The following PDE4D variants were observed in gnomAD, a reference collection of about 807,000 sequenced individuals.
PDE4D encodes the protein phosphodiesterase 4D.
PDE4D carries 24 observed loss-of-function variants against 87.4 expected under a neutral mutation model. The observed-to-expected ratio is 0.27, with a 90% CI of 0.20 to 0.39. The LOEUF (loss-of-function observed/expected upper bound fraction) is 0.39. PDE4D is among the 10% of genes least tolerant of loss of function. PDE4D has a pLI of 1.00. For synonymous variants in PDE4D, 384 were observed against 383.2 expected (o/e 1.00, Z -0.02); for missense variants, 714 against 1,041.0 (o/e 0.69, Z 4.32).
intron 1 of PDE4D, among the ~76,000 whole-genome samples, chr5:59,359,610 A>G (rs1323176744): frequency 6.6e-6 from 1 of 152,214 alleles, no homozygotes; most frequent in Non-Finnish European, 1.5e-5. Flanking sequence ...GGAAAAAATA[A>G]GAAATTAAAT....
intron 1 of PDE4D, among the ~76,000 whole-genome samples, chr5:59,373,252 G>C (rs1459684164): frequency 1.3e-5 from 2 of 152,128 alleles, no homozygotes; most frequent in Non-Finnish European, 2.9e-5. Context: ...GGAGTATGTT[G>C]AAACCCAACG....
intron 1 of PDE4D, among the ~76,000 whole-genome samples, chr5:59,562,495 A>G (rs1360285275): frequency 2.0e-5 from 3 of 152,186 alleles, no homozygotes; most frequent in Admixed American, 1.3e-4. Context: ...AACCCTTTCA[A>G]ATTGCATGAA....
At chr5:59,159,966 A>T (rs1780800619) in intron 5 of PDE4D, among the ~76,000 whole-genome samples, 1 of 152,240 alleles carries the variant, frequency 6.6e-6, no homozygotes, top group Non-Finnish European at 1.5e-5. Flanking sequence ...CTCATAGATC[A>T]TTAGCTCCTA....
chr5:59,994,999 T>C (rs1561957931), intron 2 of PDE4D, among the ~76,000 whole-genome samples: 1 of 152,120 alleles, frequency 6.6e-6, no homozygotes, highest in African/African-American at 2.4e-5. Flanking sequence ...AAAAATATAA[T>C]AGACAGATAA....
At chr5:59,078,218 G>A (rs1204562489) in intron 5 of PDE4D, among the ~76,000 whole-genome samples, 1 of 152,008 alleles carries the variant, frequency 6.6e-6, no homozygotes, top group African/African-American at 2.4e-5. Flanking sequence ...AATAGTTAAA[G>A]GATAAACTTG....
intron 1 of PDE4D, among the ~76,000 whole-genome samples, chr5:59,833,964 C>T (rs192295870): frequency 6.6e-6 from 1 of 151,952 alleles, no homozygotes; most frequent in East Asian, 1.9e-4. Flanking sequence ...TATTAACTGA[C>T]AAGAAACCAG....
At chr5:59,401,569 TGA>T in intron 1 of PDE4D, among the ~76,000 whole-genome samples, 1 of 152,108 alleles carries the variant, frequency 6.6e-6, no homozygotes, top group South Asian at 2.1e-4. Context: ...AATTGAGAGA[TGA>T]GCTTTATACT....
intron 6 of PDE4D, among the ~76,000 whole-genome samples, chr5:59,008,365 C>T (rs1265958021): frequency 1.3e-5 from 2 of 151,872 alleles, no homozygotes; most frequent in African/African-American, 4.8e-5. Flanking sequence ...ATATCTGTCT[C>T]CTAAAGTAAT....
chr5:59,613,090 T>C (rs1471220032), intron 1 of PDE4D, among the ~76,000 whole-genome samples: 3 of 151,390 alleles, frequency 2.0e-5, no homozygotes, highest in African/African-American at 7.3e-5. Flanking sequence ...GGTCAGGAGG[T>C]GGTGCAGCAA....
intron 6 of PDE4D, among the ~76,000 whole-genome samples, chr5:59,018,195 T>A (rs1754418130): frequency 6.6e-6 from 1 of 152,210 alleles, no homozygotes; most frequent in Non-Finnish European, 1.5e-5. Flanking sequence ...CCTAACAGCT[T>A]ATGCTATCAA....
intron 1 of PDE4D, among the ~76,000 whole-genome samples, chr5:60,425,926 T>A (rs553262551): frequency 3.9e-5 from 6 of 152,212 alleles, no homozygotes; most frequent in African/African-American, 1.4e-4. Flanking sequence ...AACAGACACA[T>A]GAAAAAATGC....
chr5:60,445,097 A>G (rs1031633614), intron 1 of PDE4D, among the ~76,000 whole-genome samples: 1 of 152,130 alleles, frequency 6.6e-6, no homozygotes, highest in African/African-American at 2.4e-5. Context: ...TAGAACAACA[A>G]TTCAGCCAAC....
At chr5:60,303,785 G>C (rs570326650) in intron 1 of PDE4D, among the ~76,000 whole-genome samples, 1 of 152,304 alleles carries the variant, frequency 6.6e-6, no homozygotes, top group African/African-American at 2.4e-5. Flanking sequence ...TTTTAGTGGA[G>C]AATACTGTAG....
At chr5:60,303,172 C>G (rs1200237144) in intron 1 of PDE4D, among the ~76,000 whole-genome samples, 1 of 151,970 alleles carries the variant, frequency 6.6e-6, no homozygotes, top group Non-Finnish European at 1.5e-5. Flanking sequence ...CCCAGAGATT[C>G]TGGTATGATG....
intron 5 of PDE4D, among the ~76,000 whole-genome samples, chr5:59,070,292 G>A (rs1764568125): frequency 6.6e-6 from 1 of 151,946 alleles, no homozygotes; most frequent in Non-Finnish European, 1.5e-5. Flanking sequence ...ATAGTTTAGA[G>A]AACTAAGTAG....
chr5:59,637,510 A>G (rs1361666701), intron 1 of PDE4D, among the ~76,000 whole-genome samples: 3 of 152,136 alleles, frequency 2.0e-5, no homozygotes, highest in Non-Finnish European at 2.9e-5. Flanking sequence ...ATACCCATCA[A>G]TGATAGACTG....
At chr5:59,041,592 T>C (rs745641595) in intron 5 of PDE4D, among the ~76,000 whole-genome samples, 54 of 152,336 alleles carry the variant, frequency 3.5e-4, no homozygotes, top group Non-Finnish European at 6.0e-4. Flanking sequence ...CTGGGATTTG[T>C]TCAGTGCCAT....
intron 1 of PDE4D, among the ~76,000 whole-genome samples, chr5:59,882,687 A>C (rs1175298645): frequency 6.6e-6 from 1 of 151,888 alleles, no homozygotes; most frequent in Non-Finnish European, 1.5e-5. Flanking sequence ...CTGGAAGTGG[A>C]TATGTTATAA....
chr5:59,213,975 C>T (rs1750659312), intron 2 of PDE4D, among the ~76,000 whole-genome samples: 1 of 150,576 alleles, frequency 6.6e-6, no homozygotes, highest in Admixed American at 6.7e-5. Flanking sequence ...GGACAAAAAT[C>T]AGCACTCTCT....
Sources: gnomAD v4.1 joint callset for allele counts (sites outside exome capture counted in the v4.1 genomes callset) on GRCh38, gnomAD v4.1.1 for gene constraint, MANE v1.5 for transcripts, NCBI Gene and HGNC (gene_info 2026-07-23, HGNC 2026-07-21) for gene names.